Variants in GPR149 observed in about 807,000 individuals in gnomAD.
The protein encoded by GPR149 is probable G protein-coupled receptor 149.
A neutral mutation model predicts 50.2 loss-of-function variants in GPR149; 50 were observed. The ratio of observed to expected loss-of-function variants is 1.00; its 90% CI spans 0.79 to 1.26. GPR149 has a LOEUF of 1.26. GPR149 is among the 50% of genes most tolerant of loss of function. GPR149 has a pLI of 0.00. For missense variants in GPR149, 983 were observed against 895.4 expected (o/e 1.10, Z -1.25); for synonymous variants, 405 against 358.2 (o/e 1.13, Z -1.48).
At chr3:154,405,290 C>T (rs2108420348) in intron 3 of GPR149, among the ~76,000 whole-genome samples, 1 of 151,872 alleles carries the variant, frequency 6.6e-6, no homozygotes, top group Admixed American at 6.6e-5. Context: ...ATACTGAAGA[C>T]AAAAAAGAGT....
intron 3 of GPR149, among the ~76,000 whole-genome samples, chr3:154,392,186 A>G (rs1715187033): frequency 6.6e-6 from 1 of 151,900 alleles, no homozygotes; most frequent in Non-Finnish European, 1.5e-5. Context: ...ACATTTCACC[A>G]AAGAGCAGCA....
At chr3:154,416,332 G>T (rs1292116631) in intron 3 of GPR149, among the ~76,000 whole-genome samples, 3 of 151,822 alleles carry the variant, frequency 2.0e-5, no homozygotes, top group Non-Finnish European at 4.4e-5. Context: ...TTATAGGTCT[G>T]AGGTGGGACC....
At chr3:154,359,714 T>C (rs1714336160) in intron 3 of GPR149, among the ~76,000 whole-genome samples, 1 of 152,166 alleles carries the variant, frequency 6.6e-6, no homozygotes, top group African/African-American at 2.4e-5. Flanking sequence ...GTCCTCTTCT[T>C]CTCCAGCTTT....
At chr3:154,350,871 T>C (rs2108388858) in intron 3 of GPR149, among the ~76,000 whole-genome samples, 1 of 152,270 alleles carries the variant, frequency 6.6e-6, no homozygotes, top group Non-Finnish European at 1.5e-5. Flanking sequence ...TCTGTGCACC[T>C]CCTCGCATAT....
intron 3 of GPR149, among the ~76,000 whole-genome samples, chr3:154,360,196 G>C (rs965292684): frequency 7.9e-5 from 12 of 152,196 alleles, no homozygotes; most frequent in Non-Finnish European, 1.0e-4. Context: ...GCAGTTTCAG[G>C]GGATCTGTGG....
chr3:154,353,304 C>T (rs999596744), intron 3 of GPR149: 1 of 1,426,352 alleles, frequency 7.0e-7, no homozygotes, highest in Non-Finnish European at 9.9e-7. Flanking sequence ...CTGTTCATAT[C>T]TGGATTTCAT....
At chr3:154,339,458 C>T (rs1203509562) in intron 3 of GPR149, among the ~76,000 whole-genome samples, 1 of 152,130 alleles carries the variant, frequency 6.6e-6, no homozygotes, top group African/African-American at 2.4e-5. Context: ...TGTGTCTGTC[C>T]ACCTGGGGAA....
At chr3:154,361,100 C>T (rs1160390966) in intron 3 of GPR149, among the ~76,000 whole-genome samples, 1 of 152,088 alleles carries the variant, frequency 6.6e-6, no homozygotes, top group Non-Finnish European at 1.5e-5. Context: ...AAAATCTTCC[C>T]ATCCCACACA....
intron 1 of GPR149, 133 bp from the exon 2 acceptor site, chr3:154,427,841 G>T: frequency 1.2e-6 from 1 of 850,664 alleles, no homozygotes; most frequent in Non-Finnish European, 1.8e-6. Context: ...CTCTGCTACG[G>T]AGCTGGCTCC....
At chr3:154,404,523 T>C (rs780528915) in intron 3 of GPR149, among the ~76,000 whole-genome samples, 15 of 152,216 alleles carry the variant, frequency 9.9e-5, no homozygotes, top group Non-Finnish European at 1.0e-4. Flanking sequence ...GATTGTGACA[T>C]ATTTAAAGAT....
chr3:154,396,499 A>G (rs1715296893), intron 3 of GPR149, among the ~76,000 whole-genome samples: 1 of 152,158 alleles, frequency 6.6e-6, no homozygotes, highest in African/African-American at 2.4e-5. Context: ...GTTGTGACTT[A>G]GTATGAGGGC....
At chr3:154,346,808 G>T (rs1355366459) in intron 3 of GPR149, among the ~76,000 whole-genome samples, 4 of 152,092 alleles carry the variant, frequency 2.6e-5, no homozygotes, top group Admixed American at 2.0e-4. Context: ...TGTTGGCCAG[G>T]CTGGTCTTGA....
chr3:154,349,131 A>G (rs1419597513), intron 3 of GPR149, among the ~76,000 whole-genome samples: 3 of 152,168 alleles, frequency 2.0e-5, no homozygotes, highest in Non-Finnish European at 2.9e-5. Context: ...AGAAATTTAA[A>G]GCACTAAATG....
At chr3:154,395,385 T>TAC (rs995479696) in intron 3 of GPR149, among the ~76,000 whole-genome samples, 4 of 149,228 alleles carry the variant, frequency 2.7e-5, no homozygotes, top group Non-Finnish European at 5.9e-5. Context: ...TTGATATATA[T>TAC]ATATCTAAAT....
intron 3 of GPR149, among the ~76,000 whole-genome samples, chr3:154,418,378 T>A (rs1269800119): frequency 1.8e-5 from 2 of 110,842 alleles, no homozygotes; most frequent in Non-Finnish European, 3.7e-5. Flanking sequence ...ATGTTTATTG[T>A]GGCATTATTC....
At chr3:154,385,924 A>G (rs961085226) in intron 3 of GPR149, among the ~76,000 whole-genome samples, 4 of 152,048 alleles carry the variant, frequency 2.6e-5, no homozygotes, top group Admixed American at 2.6e-4. Context: ...GATGGTCTCG[A>G]TCTTCTGACC....
rs1713660510 is a variant in GPR149, at chr3:154,336,567, CA to C, written c.*1131del. ...GAAATACATCTTACTATTATTCTGCCAAGGTGATTCCTGCATTTTTGCAATG... is the reference window on the plus strand; with the variant it reads ...GAAATACATCTTACTATTATTCTGCCAGGTGATTCCTGCATTTTTGCAATG... On this transcript the variant is annotated 3_prime_UTR_variant, in exon 4 of 4. Transcript: ENST00000389740. The C allele has an allele frequency of 1.3e-5, 2 of 151,928 alleles. No homozygotes were observed. Among genetic ancestry groups the C allele is most frequent in the Admixed American group, 1.3e-4 (2 of 15,254 alleles). The allele number at this position is 151,928 out of a possible 1,614,324, so 9.4% of individuals were successfully genotyped here. A position where few individuals can be genotyped will look rare whatever the true frequency, so the allele number is the denominator to read the frequency against.
rs921290292 is a variant in GPR149 at position 154,337,905 on chromosome 3, A to G, written c.1990T>C (p.Cys664Arg). ...YSRKENRFVS[C>R]DLGETASYSL... ...TATGAGGCTGTTTCCCCTAGGTCACATGAAACAAATCTGTTTTCTTTCCTG... is the reference window on the plus strand; with the variant it reads ...TATGAGGCTGTTTCCCCTAGGTCACGTGAAACAAATCTGTTTTCTTTCCTG... The change falls in exon 4 of 4, where the codon TGT becomes CGT. Residue 664 changes from cysteine (C) to arginine (R), a missense_variant. Cys to Arg is a radical substitution (Grantham distance 180). Coordinates refer to ENST00000389740, the MANE Select transcript of GPR149 (RefSeq NM_001038705.3). 1.2e-6 allele frequency: 2 copies of G among 1,613,116 alleles called. No homozygotes were observed. The highest frequency in any genetic ancestry group is 1.7e-6 in the Non-Finnish European group (2 of 1,179,484).
At chr3:154,407,178 G>A (rs1711717988) in intron 3 of GPR149, among the ~76,000 whole-genome samples, 1 of 152,094 alleles carries the variant, frequency 6.6e-6, no homozygotes, top group Admixed American at 6.6e-5. Context: ...TTTGGGTGGA[G>A]ACACAGCCAA....
Sources: gnomAD v4.1 joint callset for allele counts (sites outside exome capture counted in the v4.1 genomes callset) on GRCh38, gnomAD v4.1.1 for gene constraint, MANE v1.5 for transcripts, NCBI Gene and HGNC (gene_info 2026-07-23, HGNC 2026-07-21) for gene names.